MSRA: variants seen among roughly 807,000 people sequenced by gnomAD.
The protein encoded by MSRA is methionine sulfoxide reductase A.
A neutral mutation model predicts 31.3 loss-of-function variants in MSRA; 54 were observed. The observed-to-expected ratio is 1.73, with a 90% CI of 1.39 to 2.17. The LOEUF is 2.17. Among genes scored for constraint, MSRA ranks in the 30% most tolerant of loss-of-function variants. The probability of loss-of-function intolerance (pLI) is 0.00; values close to 1 mark genes in which losing one functional copy is unlikely to be tolerated. For synonymous variants in MSRA, 169 were observed against 116.5 expected (o/e 1.45, Z -2.90); for missense variants, 507 against 300.9 (o/e 1.69, Z -5.07).
At chr8:10,068,870 T>G (rs192306833) in intron 1 of MSRA, among the ~76,000 whole-genome samples, 3 of 152,234 alleles carry the variant, frequency 2.0e-5, no homozygotes, top group Admixed American at 6.5e-5. Flanking sequence ...CCAGATCAAG[T>G]TGGGAAGAAC....
At chr8:10,090,609 G>A (rs781280545) in intron 1 of MSRA, among the ~76,000 whole-genome samples, 1 of 152,108 alleles carries the variant, frequency 6.6e-6, no homozygotes, top group African/African-American at 2.4e-5. Flanking sequence ...TCACTTTGTT[G>A]TGCAGACATC....
chr8:10,312,189 G>T (rs1801469037), intron 4 of MSRA, among the ~76,000 whole-genome samples: 1 of 151,970 alleles, frequency 6.6e-6, no homozygotes, highest in Non-Finnish European at 1.5e-5. Flanking sequence ...GAAATGAAAT[G>T]GGAAGCAAAC....
intron 3 of MSRA, among the ~76,000 whole-genome samples, chr8:10,281,185 C>A (rs533812214): frequency 4.6e-5 from 7 of 152,086 alleles, no homozygotes; most frequent in Non-Finnish European, 1.0e-4. Flanking sequence ...CTGGTTGTTA[C>A]CAGAGAAAAA....
At chr8:10,155,002 T>TTTTATATATATATA (rs1554468812) in intron 1 of MSRA, among the ~76,000 whole-genome samples, 2 of 123,900 alleles carry the variant, frequency 1.6e-5, no homozygotes, top group African/African-American at 6.5e-5. Context: ...TGTATATATT[T>TTTTATATATATATA]TATATATATA....
intron 1 of MSRA, among the ~76,000 whole-genome samples, chr8:10,190,977 A>G (rs1240486951): frequency 6.6e-6 from 1 of 152,174 alleles, no homozygotes; most frequent in Non-Finnish European, 1.5e-5. Flanking sequence ...CAGCTTCAGC[A>G]TTAGTTTTCT....
Position 10,250,521 on chromosome 8 carries a change from C to T in MSRA, c.331+5298C>T, listed in dbSNP as rs571063016. 17 of 697,874 alleles carry T rather than the reference C, an allele frequency of 2.4e-5. No individual in the cohort carries two copies. The East Asian group carries it at 3.8e-4, about 15-fold the overall frequency. 43.2% of individuals were successfully genotyped at this position (697,874 alleles called of 1,614,324 possible). ...ATCCAGAAGCATGAAAGGAGCTGCA[C>T]AACTTTTCCTCGTAAGATTTACACA... On this transcript the variant is annotated intron_variant, in intron 3 of 5. Coordinates refer to ENST00000317173, the MANE Select transcript of MSRA (RefSeq NM_012331.5).
chr8:10,327,055 A>C (rs980841477), intron 5 of MSRA, among the ~76,000 whole-genome samples: 28 of 152,258 alleles, frequency 1.8e-4, no homozygotes, highest in African/African-American at 6.3e-4. Flanking sequence ...TCAAGAAAGC[A>C]CAATGCTTTC....
At chr8:10,151,223 C>G (rs1287580306) in intron 1 of MSRA, among the ~76,000 whole-genome samples, 1 of 142,412 alleles carries the variant, frequency 7.0e-6, no homozygotes, top group African/African-American at 2.7e-5. Context: ...GACTGCACCA[C>G]TGCATTCCAG....
intron 1 of MSRA, among the ~76,000 whole-genome samples, chr8:10,076,192 A>G (rs1250305373): frequency 6.6e-6 from 1 of 152,220 alleles, no homozygotes; most frequent in Non-Finnish European, 1.5e-5. Flanking sequence ...AAGAACCTAG[A>G]ATGGTACCTG....
At chr8:10,168,143 A>G (rs1168246215) in intron 1 of MSRA, among the ~76,000 whole-genome samples, 1 of 152,218 alleles carries the variant, frequency 6.6e-6, no homozygotes, top group Non-Finnish European at 1.5e-5. Context: ...AAATGGAGAT[A>G]ATAAAAGTGT....
intron 1 of MSRA, among the ~76,000 whole-genome samples, chr8:10,090,333 G>C (rs1308106369): frequency 1.3e-5 from 2 of 152,178 alleles, no homozygotes; most frequent in Non-Finnish European, 2.9e-5. Context: ...GCTGGAGTTG[G>C]CTGGGATGGA....
At chr8:10,371,670 CAGA>C (rs930276404) in intron 5 of MSRA, among the ~76,000 whole-genome samples, 5 of 152,120 alleles carry the variant, frequency 3.3e-5, no homozygotes, top group African/African-American at 1.2e-4. Context: ...TGTTAGCTAC[CAGA>C]AGCTCCTTGT....
intron 2 of MSRA, among the ~76,000 whole-genome samples, chr8:10,221,063 A>G (rs771177889): frequency 6.6e-6 from 1 of 152,152 alleles, no homozygotes; most frequent in Non-Finnish European, 1.5e-5. Context: ...ATGCAGTGGG[A>G]TGGCCACATG....
At chr8:10,150,483 C>G (rs900163568) in intron 1 of MSRA, among the ~76,000 whole-genome samples, 3 of 152,124 alleles carry the variant, frequency 2.0e-5, no homozygotes, top group African/African-American at 4.8e-5. Context: ...TCAATTGAAA[C>G]AAACCAATTA....
intron 5 of MSRA, among the ~76,000 whole-genome samples, chr8:10,425,275 C>T (rs893270264): frequency 2.0e-5 from 3 of 152,202 alleles, no homozygotes; most frequent in Admixed American, 6.5e-5. Context: ...AGGCCCAGGG[C>T]GGTGCAGAGG....
At chr8:10,288,891 T>C (rs532329115) in intron 3 of MSRA, among the ~76,000 whole-genome samples, 182 of 152,260 alleles carry the variant, frequency 1.2e-3, no homozygotes, top group African/African-American at 4.1e-3. Context: ...ATTTTCATTG[T>C]CTTTGGATGA....
intron 3 of MSRA, 97 bp from the exon 4 acceptor site, chr8:10,301,437 G>C: frequency 1.1e-6 from 1 of 876,570 alleles, no homozygotes; most frequent in South Asian, 1.5e-5. Context: ...ACAGGGTAGA[G>C]TTTCAGCTTT....
At chr8:10,314,929 T>G (rs903345504) in intron 4 of MSRA, among the ~76,000 whole-genome samples, 1 of 152,166 alleles carries the variant, frequency 6.6e-6, no homozygotes, top group African/African-American at 2.4e-5. Context: ...AATAAAGACA[T>G]ACCGGAGACT....
chr8:10,163,493 A>G (rs533256368), intron 1 of MSRA, among the ~76,000 whole-genome samples: 1 of 152,184 alleles, frequency 6.6e-6, no homozygotes, highest in South Asian at 2.1e-4. Context: ...CACTGACATC[A>G]GCTAGTCATT....
Sources: allele counts gnomAD v4.1 joint callset (sites outside exome capture counted in the v4.1 genomes callset), GRCh38; gene constraint gnomAD v4.1.1; transcripts MANE v1.5; gene names NCBI Gene and HGNC (gene_info 2026-07-23, HGNC 2026-07-21).